The following MYLK variants were observed in gnomAD, a reference collection of about 807,000 sequenced individuals.
MYLK encodes the protein myosin light chain kinase.
A neutral mutation model predicts 203.4 loss-of-function variants in MYLK; 106 were observed. The ratio of observed to expected loss-of-function variants is 0.52; its 90% CI spans 0.45 to 0.61. The LOEUF (loss-of-function observed/expected upper bound fraction) is 0.61, where lower values mean the gene tolerates loss of function less well. MYLK is among the 20% of genes least tolerant of loss of function. The pLI, the probability that MYLK is intolerant of heterozygous loss-of-function variation, is 0.00. For synonymous variants in MYLK, 867 were observed against 959.5 expected (o/e 0.90, Z 1.78); for missense variants, 2,072 against 2,442.3 (o/e 0.85, Z 3.20).
chr3:123,700,707 C>T lies in MYLK; in HGVS notation c.2761G>A (p.Glu921Lys), dbSNP rs202223681. The change falls in exon 18 of 34, where the codon GAG (glutamate) becomes AAG (lysine). Residue 921 changes from glutamate to lysine, a missense_variant. Glu to Lys is a moderately conservative substitution (Grantham distance 56). Around this residue, in one of 3 missense-constraint regions of MYLK, gnomAD observed 865 missense variants for 1,016.0 expected, o/e 0.85. Coordinates refer to ENST00000360304, the MANE Select transcript of MYLK (RefSeq NM_053025.4). ...SEDDLKEIPA[E>K]QMDFRANLQR... ...AGGTTGGCACGGAAATCCATCTGCTCGGCTGGGATCTCCTTCAGGTCGTCT... is the reference window on the plus strand; with the variant it reads ...AGGTTGGCACGGAAATCCATCTGCTTGGCTGGGATCTCCTTCAGGTCGTCT... 6.1e-5 allele frequency: 99 copies of T among 1,614,158 alleles called. No individual in the cohort carries two copies. The highest frequency in any genetic ancestry group is 6.7e-5 in the African/African-American group (5 of 75,026).
chr3:123,758,780 A>C (rs2063442214), intron 4 of MYLK, among the ~76,000 whole-genome samples: 1 of 151,582 alleles, frequency 6.6e-6, no homozygotes, highest in Non-Finnish European at 1.5e-5. Flanking sequence ...AGCATCTAAA[A>C]CCCTTTGGAG....
At chr3:123,627,400 T>C (rs1255128628) in intron 30 of MYLK, among the ~76,000 whole-genome samples, 1 of 152,226 alleles carries the variant, frequency 6.6e-6, no homozygotes, top group African/African-American at 2.4e-5. Flanking sequence ...AACTTTCATG[T>C]TTAATGTCTT....
intron 30 of MYLK, 37 bp from the exon 31 acceptor site, chr3:123,626,978 A>G: frequency 6.2e-7 from 1 of 1,613,178 alleles, no homozygotes; most frequent in Non-Finnish European, 8.5e-7. Context: ...TTTGAGCAGG[A>G]GGAGACCTCA....
intron 2 of MYLK, among the ~76,000 whole-genome samples, chr3:123,850,013 G>A (rs980371809): frequency 4.6e-5 from 7 of 152,110 alleles, no homozygotes; most frequent in African/African-American, 2.4e-5. Context: ...TTGTCCTTGC[G>A]ATAGTTTGCT....
rs1375037101 is a variant in MYLK at position 123,648,438 on chromosome 3, C to T, written c.4415+533G>A. On this transcript the variant is annotated intron_variant, in intron 26 of 33. Coordinates refer to ENST00000360304, the MANE Select transcript of MYLK (RefSeq NM_053025.4). The surrounding 1 kb of genome is among the most constrained non-coding windows in gnomAD (Gnocchi z 4.5). ...AAATGGAAGGGGTGCCAAAGATAAT[C>T]TGATCCAGTCCTCTCATTTTATTTT... Among the ~76,000 whole-genome samples the T allele has an allele frequency of 6.6e-6, 1 of 152,236 alleles. No individual in the cohort carries two copies.
At chr3:123,630,187 G>A (rs1025690917) in intron 29 of MYLK, among the ~76,000 whole-genome samples, 1 of 152,206 alleles carries the variant, frequency 6.6e-6, no homozygotes, top group Non-Finnish European at 1.5e-5. Context: ...GGAACTTGAG[G>A]CATTTATGCC....
At chr3:123,666,096 TC>T in intron 22 of MYLK, 122 bp downstream of exon 22, 3 of 1,490,122 alleles carry the variant, frequency 2.0e-6, no homozygotes, top group Non-Finnish European at 2.8e-6. Flanking sequence ...GAGTGGCCTC[TC>T]CCATTTCTAA....
At chr3:123,871,056 C>T (rs16834834) in intron 2 of MYLK, among the ~76,000 whole-genome samples, 15,252 of 151,842 alleles carry the variant, frequency 0.1, 1,192 homozygotes, top group East Asian at 0.36. Context: ...TGTGACCGTT[C>T]GCCTCCTTCC....
chr3:123,829,237 T>C (rs1013442800), intron 3 of MYLK, among the ~76,000 whole-genome samples: 5 of 152,256 alleles, frequency 3.3e-5, no homozygotes, highest in African/African-American at 1.2e-4. Context: ...GTTGTATAGA[T>C]ACACAATGGA....
At chr3:123,791,875 T>C (rs569786010) in intron 4 of MYLK, among the ~76,000 whole-genome samples, 4 of 152,384 alleles carry the variant, frequency 2.6e-5, no homozygotes, top group African/African-American at 9.6e-5. Flanking sequence ...AAATACTGTC[T>C]TACCAAAGTA....
intron 27 of MYLK, among the ~76,000 whole-genome samples, chr3:123,646,367 T>G (rs975476583): frequency 7.2e-5 from 11 of 152,226 alleles, no homozygotes; most frequent in African/African-American, 9.7e-5. Flanking sequence ...TGGTGGAAAT[T>G]AGACTTTTCA....
At chr3:123,637,936 A>G (rs573844369) in intron 29 of MYLK, 135 bp downstream of exon 29, 1 of 1,332,806 alleles carries the variant, frequency 7.5e-7, no homozygotes, top group East Asian at 2.5e-5. Context: ...GGAGCCTGCC[A>G]CCCTCCTGAC....
At chr3:123,710,002 G>A in intron 13 of MYLK, 109 bp from the exon 14 acceptor site, 1 of 1,414,186 alleles carries the variant, frequency 7.1e-7, no homozygotes, top group Non-Finnish European at 9.9e-7. Context: ...GTTCCCACCA[G>A]AAACTGGCAG....
rs1457050076 is a variant in MYLK, at chr3:123,738,967, T to C, written c.518A>G (p.Lys173Arg). 3.1e-6 allele frequency: 5 copies of C among 1,613,598 alleles called. No homozygotes were observed. The highest frequency in any genetic ancestry group is 1.3e-5 in the African/African-American group (1 of 75,034). ...GGAGAATCGTCCCATCTGTCCTTCTTTGACCACAACTCGGCCCAGCTTGGT... is the reference window on the plus strand; with the variant it reads ...GGAGAATCGTCCCATCTGTCCTTCTCTGACCACAACTCGGCCCAGCTTGGT... ...FATKLGRVVV[K>R]EGQMGRFSCK... is the part of the protein sequence containing the mutation. Residue 173 changes from lysine to arginine, a missense_variant, in exon 7 of 34, where the codon AAA (lysine) becomes AGA (arginine). Coordinates refer to ENST00000360304, the MANE Select transcript of MYLK (RefSeq NM_053025.4).
At chr3:123,772,037 A>T (rs2063901152) in intron 4 of MYLK, among the ~76,000 whole-genome samples, 1 of 152,170 alleles carries the variant, frequency 6.6e-6, no homozygotes. Flanking sequence ...AACTGTTTCC[A>T]TATCTAGTAG....
chr3:123,793,263 C>T (rs1484893233), intron 4 of MYLK, among the ~76,000 whole-genome samples: 2 of 152,256 alleles, frequency 1.3e-5, no homozygotes, highest in Admixed American at 6.5e-5. Flanking sequence ...ACAAGAAGGT[C>T]GGCTAACTAA....
chr3:123,728,319 T>C (rs1389571554), intron 11 of MYLK, among the ~76,000 whole-genome samples: 4 of 152,060 alleles, frequency 2.6e-5, no homozygotes, highest in Non-Finnish European at 5.9e-5. Flanking sequence ...CTGGGAAACA[T>C]AGCAAGACTC....
At chr3:123,625,470 G>GAA (rs1207195735) in intron 31 of MYLK, among the ~76,000 whole-genome samples, 23 of 126,626 alleles carry the variant, frequency 1.8e-4, no homozygotes, top group Non-Finnish European at 3.6e-4. Context: ...TTTGTCTCGA[G>GAA]GAAAAAAAAA....
chr3:123,634,186 C>T (rs1406076342), intron 29 of MYLK, among the ~76,000 whole-genome samples: 4 of 152,130 alleles, frequency 2.6e-5, no homozygotes, highest in Non-Finnish European at 5.9e-5. Context: ...GTGGACTGGC[C>T]GAGGAAGCAG....
Sources: gnomAD v4.1 joint callset for allele counts (sites outside exome capture counted in the v4.1 genomes callset) on GRCh38, gnomAD v4.1.1 for gene constraint, gnomAD v4.1.1 regional missense constraint, Gnocchi (gnomAD v3.1) non-coding constraint, MANE v1.5 for transcripts, NCBI Gene and HGNC (gene_info 2026-07-23, HGNC 2026-07-21) for gene names.